Variants in RC3H1 observed in about 807,000 individuals in gnomAD.
RC3H1 encodes the protein roquin-1.
A neutral mutation model predicts 138.2 loss-of-function variants in RC3H1; 50 were observed. The observed-to-expected ratio is 0.36, with a 90% CI of 0.29 to 0.46. RC3H1 has a LOEUF of 0.46. RC3H1 is among the 20% of genes least tolerant of loss of function. The pLI is 1.00. For synonymous variants in RC3H1, 462 were observed against 489.1 expected (o/e 0.94, Z 0.73); for missense variants, 1,031 against 1,388.1 (o/e 0.74, Z 4.09).
chr1:173,994,267 G>A (rs1244144060), intron 1 of RC3H1, among the ~76,000 whole-genome samples: 3 of 151,416 alleles, frequency 2.0e-5, no homozygotes, highest in Admixed American at 2.0e-4. Context: ...GTGGTGCATG[G>A]CTGTAATCCC....
chr1:173,954,199 T>C lies in RC3H1; in HGVS notation c.2371-2061A>G, dbSNP rs117894380. 1.1e-3 allele frequency among the ~76,000 whole-genome samples: 168 copies of C among 152,214 alleles called. 1 individual carries two copies. Among genetic ancestry groups the C allele is most frequent in the African/African-American group, 3.5e-3 (146 of 41,518 alleles). On this transcript the variant is annotated intron_variant, in intron 13 of 19. Transcript: ENST00000367696. ...ACCTAGGTATCCAGCAACAGATGAATTGATAAAGAAAATGTGGTATATATA... is the reference window on the plus strand; with the variant it reads ...ACCTAGGTATCCAGCAACAGATGAACTGATAAAGAAAATGTGGTATATATA...
chr1:173,961,381 A>G (rs1659868605), intron 12 of RC3H1, 137 bp from the exon 13 acceptor site: 1 of 729,818 alleles, frequency 1.4e-6, no homozygotes, highest in Admixed American at 3.5e-5. Flanking sequence ...AACACTTAAC[A>G]GAACAAAGTA....
chr1:173,983,398 A>G lies in RC3H1; in HGVS notation c.592+20T>C. The G allele has an allele frequency of 1.2e-6, 2 of 1,613,312 alleles. No homozygotes were observed. Among genetic ancestry groups the G allele is most frequent in the Non-Finnish European group, 1.7e-6 (2 of 1,179,542 alleles). On this transcript the variant is annotated intron_variant, in intron 4 of 19. Transcript: ENST00000367696. ...TTTTAGAATTACCAGCAGAATAAAT[A>G]CCTAAAGTTAATTATGTACCTGGTC...
Position 173,963,986 on chromosome 1 carries a change from T to C in RC3H1, c.1818A>G (p.Ala606=), listed in dbSNP as rs766053585. The C allele has an allele frequency of 9.3e-6, 15 of 1,613,948 alleles. No homozygotes were observed. The South Asian group carries it at 1.6e-4, about 18-fold the overall frequency. The stretch of plus-strand genomic sequence containing the variant: ...TAAAATCGTTACCCTGCTGATAAGG[T>C]GCTGGTTCAAATGGCGGAGCTGCTC... The part of the protein sequence containing the change: ...PRGAAPPFEP[A]PYQQGMYYTP... Residue 606 remains alanine, a synonymous_variant, in exon 11 of 20, where the codon GCA becomes GCG. Coordinates refer to ENST00000367696, the MANE Select transcript of RC3H1 (RefSeq NM_172071.4).
In RC3H1 at chr1:173,933,134, T is replaced by C. The variant is rs1283702071; in HGVS notation, c.*5587A>G. 6.6e-6 allele frequency: 1 copy of C among 152,122 alleles called. No homozygotes were observed. The highest frequency in any genetic ancestry group is 2.4e-5 in the African/African-American group (1 of 41,438). The allele number at this position is 152,122 out of a possible 1,614,324, so 9.4% of individuals were successfully genotyped here. ...ATACACATTTTTGGACACGATATTA[T>C]GTTGAGGTTTAAGTTCTTCCCCCTT... is the stretch of plus-strand genomic sequence containing the variant. On this transcript the variant is annotated 3_prime_UTR_variant, in exon 20 of 20. Coordinates refer to ENST00000367696, the MANE Select transcript of RC3H1 (RefSeq NM_172071.4).
At chr1:173,955,319 C>CTTT (rs1227853549) in intron 13 of RC3H1, among the ~76,000 whole-genome samples, 1 of 126,672 alleles carries the variant, frequency 7.9e-6, no homozygotes, top group African/African-American at 2.9e-5. Context: ...GAGATGTTGG[C>CTTT]TTTTTTTTTT....
At chr1:173,984,401 A>G in intron 3 of RC3H1, 98 bp downstream of exon 3, 1 of 1,113,656 alleles carries the variant, frequency 9.0e-7, no homozygotes, top group Non-Finnish European at 1.2e-6. Flanking sequence ...ACCTCTAGTT[A>G]GGTTTTTTGG....
At chr1:173,967,114 G>C (rs1660154444) in intron 9 of RC3H1, among the ~76,000 whole-genome samples, 1 of 152,000 alleles carries the variant, frequency 6.6e-6, no homozygotes, top group African/African-American at 2.4e-5. Flanking sequence ...CTTGAGCTCA[G>C]GTATTCAAGA....
At chr1:173,940,691 A>G (rs1174130567) in intron 19 of RC3H1, among the ~76,000 whole-genome samples, 1 of 151,970 alleles carries the variant, frequency 6.6e-6, no homozygotes, top group Admixed American at 6.5e-5. Flanking sequence ...ATGTAAAGAT[A>G]TAAGGCTGTA....
intron 13 of RC3H1, among the ~76,000 whole-genome samples, chr1:173,952,390 CT>C: frequency 1.2e-5 from 1 of 83,602 alleles, no homozygotes; most frequent in Non-Finnish European, 2.2e-5. Context: ...TTTTTTTTAC[CT>C]TAGCAGAAGG....
chr1:173,939,154 T>C (rs974582422), intron 19 of RC3H1, among the ~76,000 whole-genome samples: 1 of 151,952 alleles, frequency 6.6e-6, no homozygotes, highest in African/African-American at 2.4e-5. Flanking sequence ...CAGAGCAGAG[T>C]TGAGAATTGC....
chr1:173,970,655 C>A, intron 8 of RC3H1, 38 bp from the exon 9 acceptor site: 2 of 1,308,910 alleles, frequency 1.5e-6, no homozygotes, highest in Non-Finnish European at 2.2e-6. Flanking sequence ...TGTAATAACC[C>A]CCCACAAAAA....
At chr1:174,003,596 A>G (rs1338879446) in intron 1 of RC3H1, among the ~76,000 whole-genome samples, 1 of 152,100 alleles carries the variant, frequency 6.6e-6, no homozygotes, top group African/African-American at 2.4e-5. Context: ...CCCTGGTAAC[A>G]AACATCCCTA....
At chr1:173,967,851 C>A (rs1313076038) in intron 9 of RC3H1, among the ~76,000 whole-genome samples, 1 of 152,086 alleles carries the variant, frequency 6.6e-6, no homozygotes, top group Non-Finnish European at 1.5e-5. Flanking sequence ...TTAAAAAAAT[C>A]TTTTCCTTCT....
chr1:173,952,731 G>A (rs1659469574), intron 13 of RC3H1, among the ~76,000 whole-genome samples: 1 of 152,006 alleles, frequency 6.6e-6, no homozygotes, highest in Non-Finnish European at 1.5e-5. Context: ...ATCTTCTCAA[G>A]GTAAGTTCTC....
At chr1:173,970,721 C>T in intron 8 of RC3H1, 104 bp from the exon 9 acceptor site, 1 of 678,452 alleles carries the variant, frequency 1.5e-6, no homozygotes, top group Middle Eastern at 2.6e-4. Context: ...AAGTAATTCA[C>T]ATATTTATTT....
Position 173,978,490 on chromosome 1 carries a change from GGACTAGGGTCAAT to G in RC3H1, c.1087_1099del (p.Ile363GlnfsTer56). On this transcript the variant is annotated frameshift_variant, in exon 7 of 20. Transcript: ENST00000367696. LOFTEE classifies it high-confidence loss of function. ...CCATTAATTTCCCGTGGGTTTACCT[GGACTAGGGTCAAT>G]GTTTGCTAACAGCTCCAAATGGGGT... 6.2e-7 allele frequency: 1 copy of G among 1,613,810 alleles called. No homozygotes were observed. Among genetic ancestry groups the G allele is most frequent in the Non-Finnish European group, 8.5e-7 (1 of 1,179,910 alleles).
In RC3H1 at chr1:173,965,035, C is replaced by T. The variant is rs1233531082; in HGVS notation, c.1420G>A (p.Ala474Thr). ...GQLNEVGLPS[A>T]AILPDEGAVD... Reference sequence around the variant, plus strand: ...GCACCTTCATCTGGAAGGATAGCTGCTGAAGGCAGGCCCACCTCATTAAGT... The same window carrying T: ...GCACCTTCATCTGGAAGGATAGCTGTTGAAGGCAGGCCCACCTCATTAAGT... Residue 474 changes from alanine to threonine, a missense_variant, in exon 10 of 20, where the codon GCA becomes ACA. This residue lies in a region of RC3H1 where 716 missense variants were observed against 837.9 expected (regional missense o/e 0.85). Transcript: ENST00000367696. 5 of 1,614,164 alleles carry T rather than the reference C, an allele frequency of 3.1e-6. No individual in the cohort carries two copies. The highest frequency in any genetic ancestry group is 3.4e-6 in the Non-Finnish European group (4 of 1,180,026).
chr1:173,962,979 G>T (rs1659945762), intron 11 of RC3H1, among the ~76,000 whole-genome samples: 2 of 152,160 alleles, frequency 1.3e-5, no homozygotes, highest in Admixed American at 1.3e-4. Flanking sequence ...AAAGAAGACA[G>T]CACTTTTAAT....
Sources: gnomAD v4.1 joint callset for allele counts (sites outside exome capture counted in the v4.1 genomes callset) on GRCh38, gnomAD v4.1.1 for gene constraint, gnomAD v4.1.1 regional missense constraint, MANE v1.5 for transcripts, NCBI Gene and HGNC (gene_info 2026-07-23, HGNC 2026-07-21) for gene names.